The following GIT1 variants were observed in gnomAD, a reference collection of about 807,000 sequenced individuals.
GIT1 encodes the protein GIT ArfGAP 1.
GIT1 carries 14 observed loss-of-function variants against 91.7 expected under a neutral mutation model. That is an observed-to-expected ratio of 0.15 (90% confidence interval 0.10 to 0.24). The LOEUF (loss-of-function observed/expected upper bound fraction) is 0.24, where lower values mean the gene tolerates loss of function less well. Ranked by LOEUF, GIT1 falls within the 10% of genes least tolerant of loss-of-function variation. The pLI, the probability that GIT1 is intolerant of heterozygous loss-of-function variation, is 1.00. For synonymous variants in GIT1, 414 were observed against 418.2 expected, an observed-to-expected ratio of 0.99 and a Z score of 0.12; for missense variants, 717 against 1,024.9, an observed-to-expected ratio of 0.70 and a Z score of 4.10.
At chr17:29,583,779 G>T (rs2033485913) in intron 1 of GIT1, 163 bp from the exon 2 acceptor site, 1 of 737,272 alleles carries the variant, frequency 1.4e-6, no homozygotes, top group African/African-American at 1.8e-5. Flanking sequence ...TTACCAGTGA[G>T]GGATCTCCCC....
intron 1 of GIT1, among the ~76,000 whole-genome samples, chr17:29,586,664 A>G (rs887735608): frequency 6.6e-6 from 1 of 152,180 alleles, no homozygotes; most frequent in Admixed American, 6.5e-5. Flanking sequence ...AGAGATACCT[A>G]CAGGACAGGC....
chr17:29,585,217 C>A (rs8071674), intron 1 of GIT1, among the ~76,000 whole-genome samples: 2 of 152,168 alleles, frequency 1.3e-5, no homozygotes, highest in African/African-American at 4.8e-5. Flanking sequence ...GGTGTGGAGA[C>A]CTCCCTCTCC....
chr17:29,578,685 A>T (rs568879228), intron 8 of GIT1, 46 bp downstream of exon 8: 1 of 1,535,638 alleles, frequency 6.5e-7, no homozygotes. Context: ...GGGGGATCAG[A>T]GAGGGGCCAG....
In GIT1 at chr17:29,576,421, C is replaced by G. The variant is rs755120148; in HGVS notation, c.1410G>C (p.Gln470His). 2.5e-6 allele frequency: 4 copies of G among 1,613,000 alleles called. No individual in the cohort carries two copies. In the South Asian group the frequency reaches 4.4e-5, roughly 18 times the overall value. ...GCACCGGCCCTGGAGGCTGCCGGAG[C>G]TGCAGGTTCTCCGCCTGCAGCTTGT... Reference protein sequence around the residue: ...EIHKLQAENLQLRQPPGPVPT... With the variant: ...EIHKLQAENLHLRQPPGPVPT... Residue 470 changes from glutamine to histidine, a missense_variant, in exon 14 of 20, where the codon CAG (glutamine) becomes CAC (histidine). Transcript: ENST00000225394.
At position 29,583,033 on chromosome 17, in the gene GIT1, A is replaced by G; in HGVS notation, c.191T>C (p.Val64Ala). ...SAWPPTLLQM[V>A]HTLASNGANS... ...GGCCCCGTTGCTGGCAAGCGTGTGCACCATCTGCAGGGAAGAGATGCCAAG... is the reference window on the plus strand; with the variant it reads ...GGCCCCGTTGCTGGCAAGCGTGTGCGCCATCTGCAGGGAAGAGATGCCAAG... The change falls in exon 3 of 20, where the codon GTG becomes GCG. Residue 64 changes from valine (V) to alanine (A), a missense_variant. Val to Ala is a moderately conservative substitution (Grantham distance 64). Coordinates refer to ENST00000225394, the MANE Select transcript of GIT1 (RefSeq NM_014030.4). 1 of 1,601,056 alleles carries G rather than the reference A, an allele frequency of 6.2e-7. No individual in the cohort carries two copies. Among genetic ancestry groups the G allele is most frequent in the African/African-American group, 1.3e-5 (1 of 74,828 alleles).
intron 1 of GIT1, among the ~76,000 whole-genome samples, chr17:29,587,975 C>T (rs2033651086): frequency 6.6e-6 from 1 of 152,154 alleles, no homozygotes; most frequent in African/African-American, 2.4e-5. Flanking sequence ...GGTATGGACC[C>T]TCAACCCCAG....
chr17:29,576,681 A>G lies in GIT1; in HGVS notation c.1228-7T>C. On this transcript the variant is annotated splice_polypyrimidine_tract_variant and splice_region_variant and intron_variant, in intron 12 of 19. Transcript: ENST00000225394. ...AGTCCGAGGAGTCCATGCTCTGCAG[A>G]GAGAGACCTAAGCTGGTCAGCACCT... The G allele has an allele frequency of 1.2e-6, 2 of 1,613,774 alleles. No homozygotes were observed. Among genetic ancestry groups the G allele is most frequent in the South Asian group, 1.1e-5 (1 of 91,084 alleles).
At chr17:29,580,766 G>GTTTCTT (rs1047032673) in intron 7 of GIT1, among the ~76,000 whole-genome samples, 2 of 151,040 alleles carry the variant, frequency 1.3e-5, no homozygotes, top group African/African-American at 4.9e-5. Context: ...GGTAGCTTCT[G>GTTTCTT]TTTCTTTTTC....
chr17:29,577,838 C>T lies in GIT1; in HGVS notation c.884-96G>A, dbSNP rs548189860. On this transcript the variant is annotated intron_variant, in intron 9 of 19. Coordinates refer to ENST00000225394, the MANE Select transcript of GIT1 (RefSeq NM_014030.4). ...AGCCCAGCCTTCCTAGCTGCCCCCA[C>T]GCCTACTGAGCACTGGTGTTCAGAA... is the stretch of plus-strand genomic sequence containing the variant. 6.3e-5 allele frequency: 48 copies of T among 764,324 alleles called. 1 individual carries two copies. In the East Asian group the frequency reaches 9.9e-4, roughly 16 times the overall value. The allele number at this position is 764,324 out of a possible 1,614,324, so 47.3% of individuals were successfully genotyped here.
chr17:29,588,770 C>A (rs1485950161), intron 1 of GIT1, among the ~76,000 whole-genome samples: 1 of 152,210 alleles, frequency 6.6e-6, no homozygotes, highest in Non-Finnish European at 1.5e-5. Context: ...CTTAGGAACC[C>A]GAGGCAGGGA....
rs756868022 is a variant in GIT1 at position 29,581,922 on chromosome 17, C to CT, written c.623+4dup. ...CCCACACTGCACCCTTCAGCCGACCCTCACCTGGCATAGTCAATGGGTGTG... is the reference window on the plus strand; with the variant it reads ...CCCACACTGCACCCTTCAGCCGACCCTTCACCTGGCATAGTCAATGGGTGTG... On this transcript the variant is annotated splice_donor_region_variant and intron_variant, in intron 5 of 19. Transcript: ENST00000225394. This position sits in a 1 kb window ranked among gnomAD's most constrained non-coding sequence, Gnocchi z 4.8. 5.0e-5 allele frequency: 81 copies of CT among 1,612,648 alleles called. No homozygotes were observed. In the East Asian group the frequency reaches 1.8e-3, roughly 36 times the overall value.
chr17:29,583,937 CGAG>C (rs2033493252), intron 1 of GIT1: 1 of 364,890 alleles, frequency 2.7e-6, no homozygotes, highest in Non-Finnish European at 5.0e-6. Context: ...TCCCAGGAAA[CGAG>C]GTCTCTGCCC....
Position 29,582,149 on chromosome 17 carries a change from G to A in GIT1, c.406-5C>T, listed in dbSNP as rs549265466. On this transcript the variant is annotated splice_polypyrimidine_tract_variant and splice_region_variant and intron_variant, in intron 4 of 19. Coordinates refer to ENST00000225394, the MANE Select transcript of GIT1 (RefSeq NM_014030.4). ...CCGCACGCTCGAGTGTAGTTGCTAA[G>A]AGGAGCAGAGTGTGCAGTGAATACG... The A allele has an allele frequency of 3.2e-6, 5 of 1,553,248 alleles. No individual in the cohort carries two copies. In the East Asian group the frequency reaches 9.5e-5, roughly 30 times the overall value.
At position 29,581,750 on chromosome 17, in the gene GIT1, C is replaced by T. The variant is rs772182991; in HGVS notation, c.710G>A (p.Arg237His). The change falls in exon 6 of 20, where the codon CGC (arginine) becomes CAC (histidine). Residue 237 changes from arginine to histidine, a missense_variant. Arg to His is a conservative substitution (Grantham distance 29, BLOSUM62 0). Coordinates refer to ENST00000225394, the MANE Select transcript of GIT1 (RefSeq NM_014030.4). The surrounding 1 kb of genome is among the most constrained non-coding windows in gnomAD (Gnocchi z 4.8). ...TDRLAFYLCG[R>H]KPDHKNGHYI... Reference sequence around the variant, plus strand: ...CCCCAAGCTCTGCTCACCCGGCTTGCGTCCACAGAGGTAGAAGGCCAGCCG... The same window carrying T: ...CCCCAAGCTCTGCTCACCCGGCTTGTGTCCACAGAGGTAGAAGGCCAGCCG... 7.5e-6 allele frequency: 12 copies of T among 1,609,678 alleles called. No individual in the cohort carries two copies. In the South Asian group the frequency reaches 8.8e-5, roughly 12 times the overall value.
rs766266713 is a variant in GIT1 at position 29,583,030 on chromosome 17, T to C, written c.194A>G (p.His65Arg). Reference sequence around the variant, plus strand: ...GTTGGCCCCGTTGCTGGCAAGCGTGTGCACCATCTGCAGGGAAGAGATGCC... The same window carrying C: ...GTTGGCCCCGTTGCTGGCAAGCGTGCGCACCATCTGCAGGGAAGAGATGCC... ...AWPPTLLQMV[H>R]TLASNGANSI... The change falls in exon 3 of 20, where the codon CAC (histidine) becomes CGC (arginine). Residue 65 changes from histidine (H) to arginine (R), a missense_variant. Physicochemically the swap from His to Arg is conservative, Grantham distance 29. This residue lies in a region of GIT1 where 271 missense variants were observed against 451.6 expected (regional missense o/e 0.60). Transcript: ENST00000225394. 3 of 1,600,596 alleles carry C rather than the reference T, an allele frequency of 1.9e-6. No homozygotes were observed. In the South Asian group the frequency reaches 3.3e-5, roughly 18 times the overall value.
At position 29,583,477 on chromosome 17, in the gene GIT1, C is replaced by T; in HGVS notation, c.186+6G>A. The T allele has an allele frequency of 6.2e-7, 1 of 1,611,578 alleles. No homozygotes were observed. On this transcript the variant is annotated splice_donor_region_variant and intron_variant, in intron 2 of 19. Transcript: ENST00000225394. ...GAAGGAAGAACCACCCGACTGAGCC[C>T]TGTACCTGCAGCAGCGTGGGAGGCC...
rs1448219918 is a variant in GIT1 at position 29,582,797 on chromosome 17, G to A, written c.306C>T (p.Ile102=). The A allele has an allele frequency of 2.5e-6, 4 of 1,612,598 alleles. No homozygotes were observed. The highest frequency in any genetic ancestry group is 3.4e-6 in the Non-Finnish European group (4 of 1,179,152). ...ACTTGGCCCTGATGAACTCTGACTT[G>A]ATGGGGCTGCATGGGGCACACAGGA... ...KANPQDKVHP[I]KSEFIRAKYQ... Residue 102 remains isoleucine (I), a synonymous_variant, in exon 4 of 20, where the codon ATC becomes ATT. Transcript: ENST00000225394.
At chr17:29,586,419 CAA>C (rs1443756677) in intron 1 of GIT1, among the ~76,000 whole-genome samples, 1 of 152,036 alleles carries the variant, frequency 6.6e-6, no homozygotes, top group Admixed American at 6.5e-5. Context: ...CCCAGGGAAG[CAA>C]AAAGATTGGA....
Position 29,589,471 on chromosome 17 carries a change from CGGCTCCGGCGA to C in GIT1, c.-104_-94del. The C allele has an allele frequency of 9.8e-6, 4 of 408,494 alleles. No homozygotes were observed. Among genetic ancestry groups the C allele is most frequent in the Non-Finnish European group, 1.3e-5 (4 of 304,976 alleles). The allele number at this position is 408,494 out of a possible 1,614,324, so 25.3% of individuals were successfully genotyped here. On this transcript the variant is annotated 5_prime_UTR_variant, in exon 1 of 20. Coordinates refer to ENST00000225394, the MANE Select transcript of GIT1 (RefSeq NM_014030.4). The surrounding 1 kb of genome is among the most constrained non-coding windows in gnomAD (Gnocchi z 5.2). ...CGGCGGCGGCCCCTGCTGCCCGGCC[CGGCTCCGGCGA>C]GGCCCCGGCGAGGCTCCGCGCGCCC... is the stretch of plus-strand genomic sequence containing the variant.
Sources: gnomAD v4.1 joint callset for allele counts (sites outside exome capture counted in the v4.1 genomes callset) on GRCh38, gnomAD v4.1.1 for gene constraint, gnomAD v4.1.1 regional missense constraint, Gnocchi (gnomAD v3.1) non-coding constraint, MANE v1.5 for transcripts, NCBI Gene and HGNC (gene_info 2026-07-23, HGNC 2026-07-21) for gene names.